Variants in ARHGAP6 observed in about 807,000 individuals in gnomAD.
The protein encoded by ARHGAP6 is rho GTPase-activating protein 6.
A neutral mutation model predicts 55.7 loss-of-function variants in ARHGAP6; 16 were observed. The observed-to-expected ratio is 0.29, with a 90% CI of 0.19 to 0.44. The LOEUF (loss-of-function observed/expected upper bound fraction) is 0.44, where lower values mean the gene tolerates loss of function less well. Among genes scored for constraint, ARHGAP6 ranks in the 20% least tolerant of loss-of-function variants. The probability of loss-of-function intolerance (pLI) is 1.00; values close to 1 mark genes in which losing one functional copy is unlikely to be tolerated. For synonymous variants in ARHGAP6, 382 were observed against 360.9 expected, an observed-to-expected ratio of 1.06 and a Z score of -0.66; for missense variants, 698 against 808.9, an observed-to-expected ratio of 0.86 and a Z score of 1.66.
intron 1 of ARHGAP6, among the ~76,000 whole-genome samples, chrX:11,586,023 C>G (rs189438535): frequency 9.0e-6 from 1 of 111,403 alleles, no homozygotes; most frequent in East Asian, 2.8e-4. Context: ...TGAGAAACCG[C>G]CCCCATGATC....
At chrX:11,525,728 A>G (rs2050982624) in intron 1 of ARHGAP6, among the ~76,000 whole-genome samples, 1 of 112,336 alleles carries the variant, frequency 8.9e-6, no homozygotes, top group African/African-American at 3.2e-5. Flanking sequence ...ACTGAAGGAC[A>G]GCAGTTATTC....
At chrX:11,242,362 C>T in intron 2 of ARHGAP6, among the ~76,000 whole-genome samples, 1 of 112,376 alleles carries the variant, frequency 8.9e-6, no homozygotes. Context: ...GCTGTAAGAA[C>T]TGCTAATGAT....
chrX:11,551,995 A>C (rs1456714417), intron 1 of ARHGAP6, among the ~76,000 whole-genome samples: 1 of 111,852 alleles, frequency 8.9e-6, no homozygotes, highest in Non-Finnish European at 1.9e-5. Context: ...AAATACAATG[A>C]GCTGTACGAG....
At chrX:11,378,088 T>C (rs767005761) in intron 1 of ARHGAP6, among the ~76,000 whole-genome samples, 63 of 111,902 alleles carry the variant, frequency 5.6e-4, no homozygotes, top group Middle Eastern at 4.6e-3. Context: ...GCGTATAGTG[T>C]CATCTGAGAA....
rs1173312769 is a variant in ARHGAP6, at chrX:11,174,576, TTC to T, written c.1629+3522_1629+3523del. ...TTCCTTCCTTCCTTCCTTCCTTCCTTTCTTTCTTTCTTTCTTTTTCTTTCTTT... is the reference window on the plus strand; with the variant it reads ...TTCCTTCCTTCCTTCCTTCCTTCCTTTTTCTTTCTTTCTTTTTCTTTCTTT... On this transcript the variant is annotated intron_variant, in intron 8 of 12. Coordinates refer to ENST00000337414, the MANE Select transcript of ARHGAP6 (RefSeq NM_013427.3). Among the ~76,000 whole-genome samples, 300 of 77,857 alleles carry T rather than the reference TTC, an allele frequency of 3.9e-3. 4 individuals are homozygous for T. The highest frequency in any genetic ancestry group is 6.0e-3 in the Non-Finnish European group (227 of 37,536). The allele number at this position is 77,857 out of a possible 115,157, so 67.6% of individuals were successfully genotyped here.
In ARHGAP6 at chrX:11,351,557, T is replaced by C. The variant is rs1023694894; in HGVS notation, c.589-96850A>G. On this transcript the variant is annotated intron_variant, in intron 1 of 12. Transcript: ENST00000337414. ...AGTAGAAAGGGGAAGTGAGAAGCCA[T>C]GGGCCTTGTACCGCCTCAGTACTGT... 58 of 751,800 alleles carry C rather than the reference T, an allele frequency of 7.7e-5. No homozygotes were observed. In the Middle Eastern group the frequency reaches 3.0e-3, roughly 39 times the overall value. 62.0% of individuals were successfully genotyped at this position (751,800 alleles called of 1,213,427 possible).
intron 1 of ARHGAP6, among the ~76,000 whole-genome samples, chrX:11,276,477 C>T (rs994456908): frequency 6.3e-5 from 7 of 111,729 alleles, no homozygotes; most frequent in African/African-American, 2.3e-4. Flanking sequence ...ATATTTAGGA[C>T]ATTTATTTTA....
intron 1 of ARHGAP6, among the ~76,000 whole-genome samples, chrX:11,652,073 T>G (rs2052590319): frequency 8.9e-6 from 1 of 112,389 alleles, no homozygotes; most frequent in Non-Finnish European, 1.9e-5. Flanking sequence ...AATTTTCTCC[T>G]ATTCTGTAGG....
intron 1 of ARHGAP6, among the ~76,000 whole-genome samples, chrX:11,636,869 A>G (rs1412198200): frequency 1.8e-5 from 2 of 111,806 alleles, no homozygotes; most frequent in Admixed American, 1.9e-4. Context: ...CAAAGAGTAC[A>G]CTGGTAACCA....
chrX:11,244,708 T>C (rs1302333992), intron 2 of ARHGAP6, among the ~76,000 whole-genome samples: 3 of 112,194 alleles, frequency 2.7e-5, no homozygotes, highest in Non-Finnish European at 5.6e-5. Flanking sequence ...AAAGAGAATA[T>C]AGTGCAGTCT....
intron 1 of ARHGAP6, among the ~76,000 whole-genome samples, chrX:11,620,210 C>A (rs769869501): frequency 2.4e-4 from 27 of 111,772 alleles, no homozygotes; most frequent in Non-Finnish European, 4.3e-4. Context: ...GAAGCAAAAG[C>A]ATAATCAAGT....
intron 11 of ARHGAP6, chrX:11,142,871 A>G (rs2045639718): frequency 8.9e-6 from 1 of 112,055 alleles, no homozygotes; most frequent in Non-Finnish European, 1.9e-5. Context: ...CCAGAACCAT[A>G]AAATAATAAG....
chrX:11,664,578 C>T lies in ARHGAP6; in HGVS notation c.251G>A (p.Arg84Gln). The T allele has an allele frequency of 8.5e-7, 1 of 1,183,196 alleles. No individual in the cohort carries two copies. The highest frequency in any genetic ancestry group is 1.1e-6 in the Non-Finnish European group (1 of 881,011). Residue 84 changes from arginine to glutamine, a missense_variant, in exon 1 of 13, where the codon CGG (arginine) becomes CAG (glutamine). Around this residue, in one of 3 missense-constraint regions of ARHGAP6, gnomAD observed 164 missense variants for 149.2 expected, o/e 1.10. Coordinates refer to ENST00000337414, the MANE Select transcript of ARHGAP6 (RefSeq NM_013427.3). ...SLGPRLASSS[R>Q]GPPPRATRLP... ...CCTGGTGGCCCTGGGGGGCGGACCC[C>T]GGGAAGAGGACGCCAAGCGAGGGCC...
intron 2 of ARHGAP6, among the ~76,000 whole-genome samples, chrX:11,216,088 C>T (rs1243178690): frequency 1.8e-5 from 2 of 110,329 alleles, no homozygotes; most frequent in African/African-American, 6.6e-5. Flanking sequence ...GGTCAGGGTC[C>T]CAGTGATTCC....
intron 1 of ARHGAP6, among the ~76,000 whole-genome samples, chrX:11,431,266 G>A (rs947040166): frequency 1.8e-5 from 2 of 112,161 alleles, no homozygotes; most frequent in African/African-American, 6.5e-5. Flanking sequence ...AAGAGAAAAC[G>A]TGCCCTGCTA....
intron 1 of ARHGAP6, among the ~76,000 whole-genome samples, chrX:11,518,645 A>T (rs746842255): frequency 1.3e-3 from 132 of 102,674 alleles, no homozygotes; most frequent in African/African-American, 3.5e-3. Flanking sequence ...TTTTTTTTTT[A>T]AATTATACTT....
At chrX:11,424,066 T>A (rs183856750) in intron 1 of ARHGAP6, among the ~76,000 whole-genome samples, 1 of 112,731 alleles carries the variant, frequency 8.9e-6, no homozygotes, top group African/African-American at 3.2e-5. Flanking sequence ...ATACAGATAG[T>A]CACATTAAGT....
chrX:11,190,601 CAT>C (rs892765773), intron 3 of ARHGAP6, among the ~76,000 whole-genome samples: 1 of 108,971 alleles, frequency 9.2e-6, no homozygotes, highest in African/African-American at 3.4e-5. Flanking sequence ...AGTCTGGAAA[CAT>C]GTGGATGGTA....
At chrX:11,344,117 C>T (rs774286646) in intron 1 of ARHGAP6, among the ~76,000 whole-genome samples, 42 of 111,441 alleles carry the variant, frequency 3.8e-4, no homozygotes, top group African/African-American at 1.3e-3. Flanking sequence ...GGACTTTAGT[C>T]CAGCTTAAAT....
Sources: gnomAD v4.1 joint callset for allele counts (sites outside exome capture counted in the v4.1 genomes callset) on GRCh38, gnomAD v4.1.1 for gene constraint, gnomAD v4.1.1 regional missense constraint, MANE v1.5 for transcripts, NCBI Gene and HGNC (gene_info 2026-07-23, HGNC 2026-07-21) for gene names.